Variants in GABRA3 observed in about 807,000 individuals in gnomAD.
GABRA3 encodes the protein gamma-aminobutyric acid receptor subunit alpha-3.
GABRA3 carries 10 observed loss-of-function variants against 30.1 expected under a neutral mutation model. That is an observed-to-expected ratio of 0.33 (90% CI 0.20 to 0.56). The LOEUF (loss-of-function observed/expected upper bound fraction) is 0.56, where lower values mean the gene tolerates loss of function less well. Among genes scored for constraint, GABRA3 ranks in the 20% least tolerant of loss-of-function variants. The pLI, the probability that GABRA3 is intolerant of heterozygous loss-of-function variation, is 0.89. For synonymous variants in GABRA3, 151 were observed against 146.8 expected, an observed-to-expected ratio of 1.03 and a Z score of -0.21; for missense variants, 233 against 392.0, an observed-to-expected ratio of 0.59 and a Z score of 3.42.
chrX:152,271,900 G>T (rs943105669), intron 4 of GABRA3, among the ~76,000 whole-genome samples: 2 of 112,196 alleles, frequency 1.8e-5, no homozygotes, highest in Admixed American at 1.9e-4. Context: ...TCCATGTGAT[G>T]TTGAGCCTAC....
chrX:152,315,971 A>G (rs947367785), intron 3 of GABRA3, among the ~76,000 whole-genome samples: 894 of 29,648 alleles, frequency 0.03, 32 homozygotes, highest in Admixed American at 0.04. Context: ...CCGCCCCCCG[A>G]CCCCCCCCCC....
chrX:152,239,991 T>G (rs1938324107), intron 5 of GABRA3, among the ~76,000 whole-genome samples: 1 of 97,648 alleles, frequency 1.0e-5, no homozygotes, highest in African/African-American at 4.2e-5. Context: ...TTAGTCCATT[T>G]ACATTTAAAG....
rs1018679309 is a variant in GABRA3 at position 152,197,892 on chromosome X, C to T, written c.779-107G>A. 4 of 578,555 alleles carry T rather than the reference C, an allele frequency of 6.9e-6. No individual in the cohort carries two copies. The African/African-American group carries it at 9.3e-5, about 13-fold the overall frequency. 47.7% of individuals were successfully genotyped at this position (578,555 alleles called of 1,213,427 possible). A position where few individuals can be genotyped will look rare whatever the true frequency, so the allele number is the denominator to read the frequency against. On this transcript the variant is annotated intron_variant, in intron 7 of 9. Coordinates refer to ENST00000370314, the MANE Select transcript of GABRA3 (RefSeq NM_000808.4). ...CTCTTTAATCTTATATTCAATATTC[C>T]AGCATCTCCCAAGTTCATATAACTA...
chrX:152,403,221 A>G (rs1929837740), intron 1 of GABRA3, among the ~76,000 whole-genome samples: 1 of 111,476 alleles, frequency 9.0e-6, no homozygotes, highest in African/African-American at 3.3e-5. Context: ...AAAGAGAAAA[A>G]GTGTTAGTTT....
At chrX:152,249,521 A>C (rs1313734614) in intron 5 of GABRA3, among the ~76,000 whole-genome samples, 1 of 111,085 alleles carries the variant, frequency 9.0e-6, no homozygotes, top group Non-Finnish European at 1.9e-5. Context: ...TTAGCTAGGT[A>C]CCTCATCTTC....
At chrX:152,273,709 T>A (rs1938990274) in intron 4 of GABRA3, among the ~76,000 whole-genome samples, 1 of 111,983 alleles carries the variant, frequency 8.9e-6, no homozygotes, top group Non-Finnish European at 1.9e-5. Context: ...TATTGCATAT[T>A]CTCACTTACA....
Position 152,360,756 on chromosome X carries a change from T to TAA in GABRA3, c.140+3673_140+3674dup, listed in dbSNP as rs1181170333. Among the ~76,000 whole-genome samples the TAA allele has an allele frequency of 7.3e-4, 37 of 50,456 alleles. 1 individual carries two copies. Among genetic ancestry groups the TAA allele is most frequent in the African/African-American group, 2.3e-3 (34 of 14,495 alleles). 43.8% of individuals were successfully genotyped at this position (50,456 alleles called of 115,157 possible). On this transcript the variant is annotated intron_variant, in intron 2 of 9. Coordinates refer to ENST00000370314, the MANE Select transcript of GABRA3 (RefSeq NM_000808.4). Reference sequence around the variant, plus strand: ...AAAAAAATTAAAAAAAAAAATAAATTAAAAAAAAAAAATGTTTCTAATTCA... The same window carrying TAA: ...AAAAAAATTAAAAAAAAAAATAAATTAAAAAAAAAAAAAATGTTTCTAATTCA...
chrX:152,274,964 G>T (rs1245584846), intron 4 of GABRA3, among the ~76,000 whole-genome samples: 1 of 103,033 alleles, frequency 9.7e-6, no homozygotes, highest in African/African-American at 3.5e-5. Flanking sequence ...AAGAATATGG[G>T]TACATGGAGC....
At chrX:152,414,737 T>C (rs1835562585) in intron 1 of GABRA3, among the ~76,000 whole-genome samples, 1 of 109,916 alleles carries the variant, frequency 9.1e-6, no homozygotes. Context: ...TACACAAAAA[T>C]GTTTATAGCA....
At chrX:152,169,071 G>T (rs762101092) in intron 9 of GABRA3, among the ~76,000 whole-genome samples, 3 of 112,225 alleles carry the variant, frequency 2.7e-5, no homozygotes, top group East Asian at 2.8e-4. Context: ...CTGGGTAAGA[G>T]ATTTTTATCT....
chrX:152,298,853 T>C (rs763151842), intron 3 of GABRA3, among the ~76,000 whole-genome samples: 1 of 112,126 alleles, frequency 8.9e-6, no homozygotes, highest in East Asian at 2.8e-4. Context: ...AGTATAAAAG[T>C]GTTCCTATTT....
chrX:152,265,615 C>T lies in GABRA3; in HGVS notation c.331-9617G>A, dbSNP rs777923773. ...TAGAAAAAACAAGAGCAAACCAAGC[C>T]CAACATTAGTAGAAGAAAAGAAATA... On this transcript the variant is annotated intron_variant, in intron 4 of 9. Transcript: ENST00000370314. Among the ~76,000 whole-genome samples the T allele has an allele frequency of 4.5e-5, 5 of 110,630 alleles. No homozygotes were observed. The East Asian group carries it at 1.4e-3, about 32-fold the overall frequency.
chrX:152,318,730 G>A (rs1025402032), intron 3 of GABRA3, among the ~76,000 whole-genome samples: 15 of 111,852 alleles, frequency 1.3e-4, no homozygotes, highest in African/African-American at 4.9e-4. Flanking sequence ...AAAATCACAT[G>A]ATCATCTCAA....
rs201874560 is a variant in GABRA3 at position 152,168,583 on chromosome X, G to A, written c.1144-20C>T. The A allele has an allele frequency of 2.8e-5, 31 of 1,107,648 alleles. No homozygotes were observed. The highest frequency in any genetic ancestry group is 2.5e-4 in the Admixed American group (11 of 43,764). 91.3% of individuals were successfully genotyped at this position (1,107,648 alleles called of 1,213,427 possible). A position where few individuals can be genotyped will look rare whatever the true frequency, so the allele number is the denominator to read the frequency against. On this transcript the variant is annotated intron_variant, in intron 9 of 9. Transcript: ENST00000370314. ...TTTCTTCTAGAGGCCAGGAAAAAGA[G>A]GGGGGGAAAGGGAGAAAAAAGCAAA...
At chrX:152,238,155 G>T (rs1449678354) in intron 5 of GABRA3, among the ~76,000 whole-genome samples, 1 of 106,403 alleles carries the variant, frequency 9.4e-6, no homozygotes, top group Non-Finnish European at 1.9e-5. Context: ...TTATTATTTT[G>T]AAATACATCC....
chrX:152,418,450 T>C (rs1030126094), intron 1 of GABRA3, among the ~76,000 whole-genome samples: 3 of 111,284 alleles, frequency 2.7e-5, no homozygotes, highest in Non-Finnish European at 5.7e-5. Flanking sequence ...AAATCCAAAT[T>C]AAACCAGAAA....
chrX:152,225,871 A>G (rs1175232632), intron 5 of GABRA3, among the ~76,000 whole-genome samples: 7 of 110,152 alleles, frequency 6.4e-5, no homozygotes, highest in Non-Finnish European at 1.1e-4. Flanking sequence ...GAGTTCTAAT[A>G]AGTTGAGAAA....
chrX:152,441,633 C>A (rs1340178478), intron 1 of GABRA3, among the ~76,000 whole-genome samples: 1 of 111,430 alleles, frequency 9.0e-6, no homozygotes, highest in Non-Finnish European at 1.9e-5. Context: ...GTAGGTAAAA[C>A]AACACAAGTG....
chrX:152,385,516 T>C (rs142338487), intron 1 of GABRA3, among the ~76,000 whole-genome samples: 3,079 of 111,834 alleles, frequency 0.028, 43 homozygotes, highest in South Asian at 0.056. Flanking sequence ...ACAAAGGTTG[T>C]GAAAATTTTC....
Sources: gnomAD v4.1 joint callset for allele counts (sites outside exome capture counted in the v4.1 genomes callset) on GRCh38, gnomAD v4.1.1 for gene constraint, MANE v1.5 for transcripts, NCBI Gene and HGNC (gene_info 2026-07-23, HGNC 2026-07-21) for gene names.